NPAS3: variants seen among roughly 807,000 people sequenced by gnomAD.
NPAS3 encodes neuronal PAS domain protein 3, also known as neuronal PAS domain-containing protein 3.
A neutral mutation model predicts 73.1 loss-of-function variants in NPAS3; 14 were observed. The observed-to-expected ratio is 0.19, with a 90% confidence interval of 0.13 to 0.30. The LOEUF (loss-of-function observed/expected upper bound fraction) is 0.30. NPAS3 is among the 10% of genes least tolerant of loss of function. The probability of loss-of-function intolerance (pLI) is 1.00; values close to 1 mark genes in which losing one functional copy is unlikely to be tolerated. For missense variants in NPAS3, 1,096 were observed against 1,250.0 expected (o/e 0.88, Z 1.86); for synonymous variants, 620 against 541.5 (o/e 1.14, Z -2.01).
chr14:33,558,648 G>A (rs1460814105), intron 4 of NPAS3, among the ~76,000 whole-genome samples: 1 of 151,368 alleles, frequency 6.6e-6, no homozygotes, highest in Admixed American at 6.6e-5. Flanking sequence ...ATATATATAA[G>A]AATATATATA....
At chr14:33,069,559 G>A (rs2041409477) in intron 2 of NPAS3, among the ~76,000 whole-genome samples, 1 of 152,176 alleles carries the variant, frequency 6.6e-6, no homozygotes, top group Admixed American at 6.5e-5. Context: ...TATTTGCTGG[G>A]TGATCTTGAA....
intron 3 of NPAS3, among the ~76,000 whole-genome samples, chr14:33,329,320 G>A (rs377545720): frequency 1.4e-4 from 22 of 152,268 alleles, no homozygotes; most frequent in African/African-American, 5.1e-4. Context: ...TGCGCTACCA[G>A]CATGACTTGG....
At chr14:33,117,305 C>G (rs1182665860) in intron 2 of NPAS3, among the ~76,000 whole-genome samples, 1 of 151,908 alleles carries the variant, frequency 6.6e-6, no homozygotes, top group Admixed American at 6.6e-5. Flanking sequence ...CATAGTCAAA[C>G]TCTATTTGAG....
chr14:33,101,736 T>C (rs944204822), intron 2 of NPAS3, among the ~76,000 whole-genome samples: 2 of 152,260 alleles, frequency 1.3e-5, no homozygotes, highest in Non-Finnish European at 2.9e-5. Flanking sequence ...CCCTAATTTA[T>C]GTTAATGCCC....
chr14:33,694,934 A>G (rs2060334198), intron 6 of NPAS3, among the ~76,000 whole-genome samples: 2 of 152,184 alleles, frequency 1.3e-5, no homozygotes, highest in Admixed American at 6.5e-5. Flanking sequence ...ATCTCCTACC[A>G]TCATGTATAT....
chr14:33,648,229 A>C (rs1748815605), intron 5 of NPAS3, among the ~76,000 whole-genome samples: 1 of 152,212 alleles, frequency 6.6e-6, no homozygotes, highest in Admixed American at 6.5e-5. Context: ...ACAGGAACAG[A>C]AGCTGCTATC....
chr14:33,032,272 G>T (rs1351512318), intron 1 of NPAS3, among the ~76,000 whole-genome samples: 1 of 152,192 alleles, frequency 6.6e-6, no homozygotes, highest in Non-Finnish European at 1.5e-5. Flanking sequence ...GCAAGGCAAT[G>T]ACAGATTGGA....
intron 1 of NPAS3, among the ~76,000 whole-genome samples, chr14:33,051,091 G>T (rs997258690): frequency 6.6e-6 from 1 of 151,374 alleles, no homozygotes; most frequent in African/African-American, 2.4e-5. Flanking sequence ...TGGCTAACAA[G>T]GTGAAACCCC....
In NPAS3 at chr14:33,059,180, A is replaced by G. The variant is rs575626959; in HGVS notation, c.140+3186A>G. Among the ~76,000 whole-genome samples, 4 of 152,316 alleles carry G rather than the reference A, an allele frequency of 2.6e-5. No individual in the cohort carries two copies. In the South Asian group the frequency reaches 8.3e-4, roughly 32 times the overall value. The stretch of plus-strand genomic sequence containing the variant: ...TACATGTACCAGCATGTCATTGCTC[A>G]TATTTGTTCCAACTATAATTCTATG... On this transcript the variant is annotated intron_variant, in intron 2 of 11. Coordinates refer to ENST00000356141, the Ensembl canonical transcript of NPAS3.
intron 4 of NPAS3, among the ~76,000 whole-genome samples, chr14:33,477,156 CT>C (rs1165523558): frequency 6.6e-6 from 1 of 152,028 alleles, no homozygotes; most frequent in Non-Finnish European, 1.5e-5. Context: ...ATTTCAGCTT[CT>C]TTTGTCTTTT....
chr14:33,400,695 T>C (rs1261731973), intron 4 of NPAS3, among the ~76,000 whole-genome samples: 2 of 152,118 alleles, frequency 1.3e-5, no homozygotes, highest in East Asian at 3.9e-4. Context: ...TTGCCTTTCC[T>C]GGACAATTCA....
chr14:32,942,346 C>T (rs2036053076), intron 1 of NPAS3, among the ~76,000 whole-genome samples: 1 of 152,030 alleles, frequency 6.6e-6, no homozygotes, highest in Non-Finnish European at 1.5e-5. Flanking sequence ...AAAGTCATTT[C>T]CTTATAGTAA....
At chr14:33,658,974 C>T (rs114018198) in intron 5 of NPAS3, among the ~76,000 whole-genome samples, 1 of 152,168 alleles carries the variant, frequency 6.6e-6, no homozygotes, top group Admixed American at 6.5e-5. Context: ...TGCCATATTA[C>T]TCTGGGACCC....
chr14:33,789,505 G>T (rs1303805857), intron 9 of NPAS3, among the ~76,000 whole-genome samples: 1 of 148,880 alleles, frequency 6.7e-6, no homozygotes, highest in Non-Finnish European at 1.5e-5. Flanking sequence ...ATGTCTTCAG[G>T]TTTACTTTGT....
intron 3 of NPAS3, among the ~76,000 whole-genome samples, chr14:33,297,024 CT>C (rs1236968751): frequency 6.6e-6 from 1 of 152,060 alleles, no homozygotes. Flanking sequence ...ATTTCTCATC[CT>C]TTTTTTCTCT....
chr14:32,944,858 GTGGTCT>G (rs1231929857), intron 1 of NPAS3, among the ~76,000 whole-genome samples: 1 of 152,150 alleles, frequency 6.6e-6, no homozygotes, highest in Non-Finnish European at 1.5e-5. Context: ...TTGAAATACT[GTGGTCT>G]TGTATGTGAA....
intron 4 of NPAS3, among the ~76,000 whole-genome samples, chr14:33,497,333 A>G (rs2052252138): frequency 6.6e-6 from 1 of 152,200 alleles, no homozygotes; most frequent in Non-Finnish European, 1.5e-5. Context: ...TTCCTCACAG[A>G]ACTAGAAAAA....
At chr14:33,271,154 C>T (rs542177339) in intron 3 of NPAS3, among the ~76,000 whole-genome samples, 1 of 152,282 alleles carries the variant, frequency 6.6e-6, no homozygotes, top group East Asian at 1.9e-4. Flanking sequence ...TGATCTAAGG[C>T]TCATAGATTG....
chr14:33,215,671 G>A, intron 3 of NPAS3: 3 of 672,550 alleles, frequency 4.5e-6, no homozygotes, highest in Non-Finnish European at 8.0e-6. Context: ...AGATTTCAGA[G>A]AAATGAAAAT....
Sources: allele counts gnomAD v4.1 joint callset (sites outside exome capture counted in the v4.1 genomes callset), GRCh38; gene constraint gnomAD v4.1.1; transcripts MANE v1.5; gene names NCBI Gene and HGNC (gene_info 2026-07-23, HGNC 2026-07-21).